The following LMO4 variants were observed in gnomAD, a reference collection of about 807,000 sequenced individuals.
LMO4 encodes LIM domain transcription factor LMO4.
Under a neutral mutation model 18.5 loss-of-function variants are expected in LMO4, and 3 were observed. That is an observed-to-expected ratio of 0.16 (90% CI 0.07 to 0.42). The LOEUF (loss-of-function observed/expected upper bound fraction) is 0.42, where lower values mean the gene tolerates loss of function less well. LMO4 is among the 10% of genes least tolerant of loss of function. The pLI, the probability that LMO4 is intolerant of heterozygous loss-of-function variation, is 0.99. For missense variants in LMO4, 121 were observed against 219.9 expected (o/e 0.55, Z 2.84); for synonymous variants, 100 against 88.1 (o/e 1.14, Z -0.76).
chr1:87,335,037 AGG>A (rs143075026), intron 2 of LMO4, among the ~76,000 whole-genome samples: 10,496 of 80,346 alleles, frequency 0.13, 446 homozygotes, highest in Middle Eastern at 0.22. Context: ...GAAAGAATGA[AGG>A]GGGGGGGGTT....
Position 87,344,867 on chromosome 1 carries a change from T to G in LMO4, c.*71T>G. The G allele has an allele frequency of 2.7e-6, 4 of 1,501,380 alleles. No homozygotes were observed. The highest frequency in any genetic ancestry group is 3.7e-6 in the Non-Finnish European group (4 of 1,077,996). 93.0% of individuals were successfully genotyped at this position (1,501,380 alleles called of 1,614,324 possible). A position where few individuals can be genotyped will look rare whatever the true frequency, so the allele number is the denominator to read the frequency against. On this transcript the variant is annotated 3_prime_UTR_variant, in exon 5 of 5. Coordinates refer to ENST00000370544, the MANE Select transcript of LMO4 (RefSeq NM_006769.4). ...CATCACAGGTGGATCCCATGTGTCT[T>G]CAGTAGACAAGTCACCTTTGTAGCT...
In LMO4 at chr1:87,343,298, T is replaced by G. The variant is rs143479227; in HGVS notation, c.490-1490T>G. ...TTAAGCTTTTAAATCATACAGTGAT[T>G]GAAATCTTGCATTTCAGATGGACTG... On this transcript the variant is annotated intron_variant, in intron 4 of 4. Coordinates refer to ENST00000370544, the MANE Select transcript of LMO4 (RefSeq NM_006769.4). Among the ~76,000 whole-genome samples, 265 of 152,332 alleles carry G rather than the reference T, an allele frequency of 1.7e-3. 2 individuals are homozygous for G. The highest frequency in any genetic ancestry group is 6.2e-3 in the African/African-American group (257 of 41,572).
chr1:87,330,545 G>C (rs1650105343), intron 1 of LMO4, among the ~76,000 whole-genome samples: 2 of 152,156 alleles, frequency 1.3e-5, no homozygotes, highest in African/African-American at 4.8e-5. Flanking sequence ...TTTATTGTGC[G>C]GTCACTGGAC....
Position 87,332,157 on chromosome 1 carries a change from C to T in LMO4, c.142C>T (p.Leu48Phe). The T allele has an allele frequency of 1.2e-6, 2 of 1,614,240 alleles. No individual in the cohort carries two copies. The highest frequency in any genetic ancestry group is 1.7e-6 in the Non-Finnish European group (2 of 1,180,046). ...AMDSYWHSRC[L>F]KCSCCQAQLG... ...GGACAGCTATTGGCACAGCCGGTGC[C>T]TCAAGTGCTCCTGCTGCCAGGCGCA... The change falls in exon 2 of 5, where the codon CTC becomes TTC. Residue 48 changes from leucine to phenylalanine, a missense_variant. By Grantham distance (22) the Leu-to-Phe change is conservative. Coordinates refer to ENST00000370544, the MANE Select transcript of LMO4 (RefSeq NM_006769.4).
At chr1:87,330,185 T>C (rs534170490) in intron 1 of LMO4, among the ~76,000 whole-genome samples, 1 of 148,670 alleles carries the variant, frequency 6.7e-6, no homozygotes, top group South Asian at 2.1e-4. Flanking sequence ...TTTCTCAGTG[T>C]AATGTTTCCT....
chr1:87,339,429 C>A, intron 2 of LMO4, 107 bp from the exon 3 acceptor site: 1 of 692,956 alleles, frequency 1.4e-6, no homozygotes, highest in Non-Finnish European at 2.5e-6. Context: ...AAGAATTCAG[C>A]CTGTCAAATG....
chr1:87,329,103 C>G lies in LMO4; in HGVS notation c.-145C>G, dbSNP rs1650054465. 6.6e-6 allele frequency: 1 copy of G among 151,804 alleles called. No individual in the cohort carries two copies. Among genetic ancestry groups the G allele is most frequent in the South Asian group, 2.1e-4 (1 of 4,828 alleles). 9.4% of individuals were successfully genotyped at this position (151,804 alleles called of 1,614,324 possible). The stretch of plus-strand genomic sequence containing the variant: ...AAAAAAAGCCGCCCTTAGCCCCCTC[C>G]TCCCCTTTCCTGCTTCTGCGAGAAC... On this transcript the variant is annotated 5_prime_UTR_variant, in exon 1 of 5. Transcript: ENST00000370544.
chr1:87,339,036 T>C (rs1381280768), intron 2 of LMO4, among the ~76,000 whole-genome samples: 1 of 152,218 alleles, frequency 6.6e-6, no homozygotes, highest in Non-Finnish European at 1.5e-5. Context: ...AGAGAGTTTC[T>C]AATGGAAAGT....
chr1:87,332,355 A>T, intron 2 of LMO4, 104 bp downstream of exon 2: 1 of 804,976 alleles, frequency 1.2e-6, no homozygotes, highest in Non-Finnish European at 2.0e-6. Context: ...GGGAGTATGC[A>T]GCCTTCACCT....
Position 87,348,576 on chromosome 1 carries a change from A to AT in LMO4, c.*3782dup, listed in dbSNP as rs759131019. ...TCTGACTAGCAGCAAAGTGTAGCAC[A>AT]TTCGCCGATGCTGGGTACCTAGTTA... On this transcript the variant is annotated 3_prime_UTR_variant, in exon 5 of 5. Coordinates refer to ENST00000370544, the MANE Select transcript of LMO4 (RefSeq NM_006769.4). 12 of 414,768 alleles carry AT rather than the reference A, an allele frequency of 2.9e-5. No individual in the cohort carries two copies. Among genetic ancestry groups the AT allele is most frequent in the Admixed American group, 2.5e-4 (10 of 39,934 alleles). 25.7% of individuals were successfully genotyped at this position (414,768 alleles called of 1,614,324 possible).
At chr1:87,340,329 C>T (rs752548785) in intron 4 of LMO4, 127 bp downstream of exon 4, 6 of 802,254 alleles carry the variant, frequency 7.5e-6, no homozygotes, top group Non-Finnish European at 1.0e-5. Context: ...ATGTAGATTA[C>T]TAGTTGTACA....
chr1:87,332,168 C>T lies in LMO4; in HGVS notation c.153C>T (p.Ser51=), dbSNP rs1165601864. The change falls in exon 2 of 5, where the codon TCC becomes TCT. Residue 51 remains serine (S), a synonymous_variant. Coordinates refer to ENST00000370544, the MANE Select transcript of LMO4 (RefSeq NM_006769.4). ...SYWHSRCLKC[S]CCQAQLGDIG... ...GGCACAGCCGGTGCCTCAAGTGCTC[C>T]TGCTGCCAGGCGCAGCTGGGCGACA... 1.4e-5 allele frequency: 23 copies of T among 1,614,124 alleles called. No individual in the cohort carries two copies. The highest frequency in any genetic ancestry group is 1.9e-5 in the Non-Finnish European group (22 of 1,180,052).
chr1:87,343,525 A>C (rs1460521308), intron 4 of LMO4, among the ~76,000 whole-genome samples: 1 of 152,180 alleles, frequency 6.6e-6, no homozygotes, highest in East Asian at 1.9e-4. Context: ...GCCATCTAGA[A>C]TTACCTGTGC....
At position 87,339,939 on chromosome 1, in the gene LMO4, G is replaced by C; in HGVS notation, c.334-108G>C. 2.4e-6 allele frequency: 3 copies of C among 1,239,646 alleles called. No homozygotes were observed. The South Asian group carries it at 4.3e-5, about 18-fold the overall frequency. The allele number at this position is 1,239,646 out of a possible 1,614,324, so 76.8% of individuals were successfully genotyped here. A position where few individuals can be genotyped will look rare whatever the true frequency, so the allele number is the denominator to read the frequency against. ...AGGAAGAAAAAACGCTAAACCCTAA[G>C]TGTCTCTGTACTTGACAGATACCTG... On this transcript the variant is annotated intron_variant, in intron 3 of 4. Transcript: ENST00000370544.
At chr1:87,344,544 A>G (rs1322147111) in intron 4 of LMO4, among the ~76,000 whole-genome samples, 3 of 152,230 alleles carry the variant, frequency 2.0e-5, no homozygotes, top group Admixed American at 1.3e-4. Context: ...ACTTTACACC[A>G]GAAACTTTCT....
chr1:87,335,918 A>G (rs1650297842), intron 2 of LMO4, among the ~76,000 whole-genome samples: 1 of 151,920 alleles, frequency 6.6e-6, no homozygotes, highest in East Asian at 1.9e-4. Flanking sequence ...ATCGCATGCA[A>G]TTTAGGGGGA....
chr1:87,338,120 A>G (rs79756481), intron 2 of LMO4, among the ~76,000 whole-genome samples: 2,507 of 152,336 alleles, frequency 0.016, 104 homozygotes, highest in Admixed American at 0.088. Flanking sequence ...TACATTTAAT[A>G]ACAACTTACA....
chr1:87,344,823 C>A lies in LMO4; in HGVS notation c.*27C>A, dbSNP rs750214272. The A allele has an allele frequency of 1.9e-6, 3 of 1,612,696 alleles. No homozygotes were observed. The highest frequency in any genetic ancestry group is 2.5e-6 in the Non-Finnish European group (3 of 1,178,992). ...AGGTCAGAGTAATGCAGAATGCGTG[C>A]CTTCATCTCAGATTTGTTCATCACA... On this transcript the variant is annotated 3_prime_UTR_variant, in exon 5 of 5. Coordinates refer to ENST00000370544, the MANE Select transcript of LMO4 (RefSeq NM_006769.4).
At chr1:87,331,938 C>G in intron 1 of LMO4, 75 bp from the exon 2 acceptor site, 1 of 1,228,314 alleles carries the variant, frequency 8.1e-7, no homozygotes, top group Non-Finnish European at 1.2e-6. Flanking sequence ...GGCTTGCTCT[C>G]TCTCCGGCGA....
Sources: allele counts gnomAD v4.1 joint callset (sites outside exome capture counted in the v4.1 genomes callset), GRCh38; gene constraint gnomAD v4.1.1; transcripts MANE v1.5; gene names NCBI Gene and HGNC (gene_info 2026-07-23, HGNC 2026-07-21).